Variants in ANK3 observed in about 807,000 individuals in gnomAD.
ANK3 encodes the protein ankyrin 3, also known as ankyrin-3.
ANK3 carries 57 observed loss-of-function variants against 370.9 expected under a neutral mutation model. The ratio of observed to expected loss-of-function variants is 0.15; its 90% CI spans 0.12 to 0.19. The LOEUF is 0.19. Ranked by LOEUF, ANK3 falls within the 10% of genes least tolerant of loss-of-function variation. The pLI, the probability that ANK3 is intolerant of heterozygous loss-of-function variation, is 1.00. For missense variants in ANK3, 4,439 were observed against 5,302.1 expected, an observed-to-expected ratio of 0.84 and a Z score of 5.06; for synonymous variants, 1,929 against 1,946.3, an observed-to-expected ratio of 0.99 and a Z score of 0.23.
In ANK3 at chr10:60,074,135, G is replaced by T; in HGVS notation, c.6746C>A (p.Thr2249Asn). 6.2e-7 allele frequency: 1 copy of T among 1,613,886 alleles called. No homozygotes were observed. Among genetic ancestry groups the T allele is most frequent in the East Asian group, 2.2e-5 (1 of 44,880 alleles). The change falls in exon 37 of 44, where the codon ACC becomes AAC. Residue 2249 changes from threonine (T) to asparagine (N), a missense_variant. Transcript: ENST00000280772. Reference protein sequence around the residue: ...RVKEETHITTTTRMVYHSPPG... With the variant: ...RVKEETHITTNTRMVYHSPPG... ...TGGAGAATGATAAACCATTCTGGTG[G>T]TTGTGGTTATGTGAGTCTCTTCTTT...
intron 2 of ANK3, among the ~76,000 whole-genome samples, chr10:60,481,200 A>G (rs776588816): frequency 3.3e-5 from 5 of 152,216 alleles, no homozygotes; most frequent in Non-Finnish European, 7.3e-5. Flanking sequence ...AACAGTAGCA[A>G]GGAGTACTTT....
rs141278826 is a variant in ANK3, at chr10:60,631,656, C to T, written c.58-16432G>A. Among the ~76,000 whole-genome samples, 710 of 152,054 alleles carry T rather than the reference C, an allele frequency of 4.7e-3. 6 individuals carry two copies. Among genetic ancestry groups the T allele is most frequent in the African/African-American group, 0.016 (664 of 41,524 alleles). On this transcript the variant is annotated intron_variant, in intron 1 of 43. Transcript: ENST00000373827. ...TCAAAACATGCATCAAAATTATACACGGAAATTGTTAAATCATCAAAAGTA... is the reference window on the plus strand; with the variant it reads ...TCAAAACATGCATCAAAATTATACATGGAAATTGTTAAATCATCAAAAGTA...
intron 43 of ANK3, among the ~76,000 whole-genome samples, chr10:60,032,237 T>C (rs1172601146): frequency 7.8e-6 from 1 of 128,846 alleles, no homozygotes; most frequent in East Asian, 2.3e-4. Flanking sequence ...AGTCTCACTC[T>C]GTCGCCCAGG....
intron 2 of ANK3, among the ~76,000 whole-genome samples, chr10:60,484,170 T>C (rs563539653): frequency 6.6e-6 from 1 of 152,128 alleles, no homozygotes; most frequent in South Asian, 2.1e-4. Flanking sequence ...AGATCTAAGA[T>C]GGAAAAACCT....
At chr10:60,631,309 A>G (rs984922263) in intron 1 of ANK3, among the ~76,000 whole-genome samples, 1 of 152,064 alleles carries the variant, frequency 6.6e-6, no homozygotes, top group Non-Finnish European at 1.5e-5. Context: ...TGGGTGGATC[A>G]TGAGGTCAGG....
intron 2 of ANK3, among the ~76,000 whole-genome samples, chr10:60,521,363 G>A (rs1019295852): frequency 4.6e-5 from 7 of 152,102 alleles, no homozygotes; most frequent in African/African-American, 1.2e-4. Flanking sequence ...AAAAGCTAAT[G>A]TGTCTATAGC....
chr10:60,671,819 C>T (rs980697742), intron 1 of ANK3, among the ~76,000 whole-genome samples: 3 of 152,236 alleles, frequency 2.0e-5, no homozygotes, highest in South Asian at 2.1e-4. Context: ...ATTGTGAGGA[C>T]TTTCAAGCAC....
intron 1 of ANK3, among the ~76,000 whole-genome samples, chr10:60,702,392 C>A (rs571765933): frequency 6.6e-6 from 1 of 152,096 alleles, no homozygotes; most frequent in East Asian, 1.9e-4. Flanking sequence ...GCAAAAAGAA[C>A]TGGATACAAA....
chr10:60,218,474 C>T (rs114339621), intron 8 of ANK3, among the ~76,000 whole-genome samples: 3,303 of 152,178 alleles, frequency 0.022, 104 homozygotes, highest in African/African-American at 0.072. Context: ...TAAGGCAGGC[C>T]TGGTGGTAAT....
intron 2 of ANK3, among the ~76,000 whole-genome samples, chr10:60,480,000 T>C (rs1202809693): frequency 6.6e-6 from 1 of 152,160 alleles, no homozygotes; most frequent in Non-Finnish European, 1.5e-5. Context: ...AGGTTAGCAA[T>C]AAATACAAAA....
At chr10:60,154,008 G>A (rs2095245612) in intron 23 of ANK3, among the ~76,000 whole-genome samples, 1 of 152,148 alleles carries the variant, frequency 6.6e-6, no homozygotes, top group Non-Finnish European at 1.5e-5. Context: ...GTACCAAGCA[G>A]TATACTAGGT....
intron 2 of ANK3, among the ~76,000 whole-genome samples, chr10:60,486,217 T>TA (rs1171864357): frequency 5.3e-5 from 8 of 152,134 alleles, no homozygotes; most frequent in East Asian, 1.9e-4. Flanking sequence ...GATCCTCTAA[T>TA]AAAAAGAATA....
rs1567163686 is a variant in ANK3, at chr10:60,583,504, G to GTTT, written c.96+31679_96+31681dup. On this transcript the variant is annotated intron_variant, in intron 2 of 43. Transcript: ENST00000373827. ...ATATTTCCATATAGCTTACAGAGAGGTTTTTTGTTTTTTGTTTTTTGTTTT... is the reference window on the plus strand; with the variant it reads ...ATATTTCCATATAGCTTACAGAGAGGTTTTTTTTTGTTTTTTGTTTTTTGTTTT... Among the ~76,000 whole-genome samples the GTTT allele has an allele frequency of 4.5e-4, 59 of 131,974 alleles. 6 individuals are homozygous for GTTT. Among genetic ancestry groups the GTTT allele is most frequent in the African/African-American group, 1.5e-3 (55 of 36,034 alleles). 86.6% of individuals were successfully genotyped at this position (131,974 alleles called of 152,430 possible).
At chr10:60,454,402 C>A (rs535619125) in intron 2 of ANK3, among the ~76,000 whole-genome samples, 1 of 152,254 alleles carries the variant, frequency 6.6e-6, no homozygotes, top group African/African-American at 2.4e-5. Context: ...CAGGCTCCTG[C>A]CTTCAGTTTC....
chr10:60,064,676 C>CAACA (rs1554852780), intron 38 of ANK3, among the ~76,000 whole-genome samples: 1 of 64,520 alleles, frequency 1.5e-5, no homozygotes, highest in African/African-American at 8.8e-5. Context: ...CACACAGCAA[C>CAACA]AACAACAACA....
At chr10:60,273,729 A>C (rs1462405934) in intron 4 of ANK3, among the ~76,000 whole-genome samples, 2 of 152,046 alleles carry the variant, frequency 1.3e-5, no homozygotes, top group Non-Finnish European at 2.9e-5. Context: ...GAGATAATTG[A>C]ATCATGGGGG....
In ANK3 at chr10:60,055,790, G is replaced by T. The variant is rs1206976572; in HGVS notation, c.12933C>A (p.Ser4311Arg). ...GTTTAGTCTCTTCTATTATAAGCTT[G>T]CTGGTTTCTTCTAGAGATTTCTGAT... is the stretch of plus-strand genomic sequence containing the variant. ...AAYQKSLEET[S>R]KLIIEETKPC... Residue 4311 changes from serine to arginine, a missense_variant, in exon 42 of 44, where the codon AGC becomes AGA. By Grantham distance (110) the Ser-to-Arg change is moderately radical (BLOSUM62 -1). Around this residue, in one of 13 missense-constraint regions of ANK3, gnomAD observed 242 missense variants for 228.0 expected, o/e 1.06. Coordinates refer to ENST00000280772, the MANE Select transcript of ANK3 (RefSeq NM_020987.5). 3 of 1,614,042 alleles carry T rather than the reference G, an allele frequency of 1.9e-6. No individual in the cohort carries two copies.
chr10:60,579,534 C>T (rs2077724260), intron 2 of ANK3, among the ~76,000 whole-genome samples: 1 of 151,882 alleles, frequency 6.6e-6, no homozygotes, highest in Non-Finnish European at 1.5e-5. Context: ...TTGCCTCAGC[C>T]CCATGATCAA....
intron 23 of ANK3, among the ~76,000 whole-genome samples, chr10:60,147,877 A>G (rs1373026322): frequency 6.6e-6 from 1 of 152,244 alleles, no homozygotes; most frequent in African/African-American, 2.4e-5. Flanking sequence ...ACCCAGTTTC[A>G]GGTATTTCTT....
Sources: allele counts gnomAD v4.1 joint callset (sites outside exome capture counted in the v4.1 genomes callset), GRCh38; gene constraint gnomAD v4.1.1; regional missense constraint gnomAD v4.1.1; transcripts MANE v1.5; gene names NCBI Gene and HGNC (gene_info 2026-07-23, HGNC 2026-07-21).